The following GRIN2A variants were observed in gnomAD, a reference collection of about 807,000 sequenced individuals.
The protein encoded by GRIN2A is glutamate receptor ionotropic, NMDA 2A.
Under a neutral mutation model 113.4 loss-of-function variants are expected in GRIN2A, and 22 were observed. The ratio of observed to expected loss-of-function variants is 0.19; its 90% CI spans 0.14 to 0.28. The LOEUF (loss-of-function observed/expected upper bound fraction) is 0.28. GRIN2A is among the 10% of genes least tolerant of loss of function. The pLI is 1.00. For synonymous variants in GRIN2A, 827 were observed against 738.4 expected (o/e 1.12, Z -1.94); for missense variants, 1,502 against 1,887.0 (o/e 0.80, Z 3.78).
At chr16:10,111,574 C>T in intron 2 of GRIN2A, 1 of 887,398 alleles carries the variant, frequency 1.1e-6, no homozygotes, top group Non-Finnish European at 1.9e-6. Flanking sequence ...GAAGACACCA[C>T]TGATCTCTTC....
chr16:10,062,499 C>T (rs2047566303), intron 2 of GRIN2A, among the ~76,000 whole-genome samples: 1 of 152,172 alleles, frequency 6.6e-6, no homozygotes, highest in Admixed American at 6.5e-5. Flanking sequence ...CCAGAAATAA[C>T]ATTCGGAAAT....
intron 3 of GRIN2A, among the ~76,000 whole-genome samples, chr16:9,896,692 A>G (rs937343761): frequency 5.9e-5 from 9 of 152,094 alleles, no homozygotes; most frequent in South Asian, 2.1e-4. Flanking sequence ...GGAAAAAAAA[A>G]CCTCTAACAG....
At chr16:10,044,771 A>C (rs1048940593) in intron 2 of GRIN2A, among the ~76,000 whole-genome samples, 3 of 151,880 alleles carry the variant, frequency 2.0e-5, no homozygotes, top group African/African-American at 4.8e-5. Flanking sequence ...CATTCCAATC[A>C]TGTGTTCGAA....
chr16:10,137,374 C>G (rs757252906), intron 2 of GRIN2A, among the ~76,000 whole-genome samples: 2 of 152,144 alleles, frequency 1.3e-5, no homozygotes, highest in Non-Finnish European at 2.9e-5. Context: ...ACATTCTTGC[C>G]CCCTACACAT....
At chr16:9,857,856 CTTTAG>C (rs1440359573) in intron 4 of GRIN2A, among the ~76,000 whole-genome samples, 1 of 152,200 alleles carries the variant, frequency 6.6e-6, no homozygotes, top group Non-Finnish European at 1.5e-5. Flanking sequence ...TCGATACTAA[CTTTAG>C]TTTAATTTAG....
rs773366584 is a variant in GRIN2A at position 9,764,493 on chromosome 16, G to A, written c.3051C>T (p.Ser1017=). The A allele has an allele frequency of 1.5e-5, 25 of 1,614,008 alleles. No homozygotes were observed. The highest frequency in any genetic ancestry group is 2.2e-5 in the South Asian group (2 of 91,082). Residue 1017 remains serine, a synonymous_variant, in exon 13 of 13, where the codon TCC becomes TCT. Transcript: ENST00000330684. ...GTGAATCCTGGCGTATGGAATCCACGGATTTCTTCCACAGCTGCCGGGGTC... is the reference window on the plus strand; with the variant it reads ...GTGAATCCTGGCGTATGGAATCCACAGATTTCTTCCACAGCTGCCGGGGTC... ...NSRPRQLWKK[S]VDSIRQDSLS...
At chr16:10,037,660 C>G (rs1048013118) in intron 2 of GRIN2A, among the ~76,000 whole-genome samples, 1 of 152,142 alleles carries the variant, frequency 6.6e-6, no homozygotes, top group Non-Finnish European at 1.5e-5. Flanking sequence ...GGGTCTTGCA[C>G]TGTCACCCAG....
At chr16:10,099,915 C>T (rs781608354) in intron 2 of GRIN2A, among the ~76,000 whole-genome samples, 29 of 151,930 alleles carry the variant, frequency 1.9e-4, no homozygotes, top group African/African-American at 6.0e-4. Flanking sequence ...TCCATTCTTA[C>T]GGAGCTTCAT....
In GRIN2A at chr16:9,757,465, T is replaced by G. The variant is rs1236147452; in HGVS notation, c.*5684A>C. On this transcript the variant is annotated 3_prime_UTR_variant, in exon 13 of 13. Transcript: ENST00000330684. The stretch of plus-strand genomic sequence containing the variant: ...TAATTTTTGCTGTTTAGTCTCTGTT[T>G]GCATTGCATGGGTCCTTGGTTATCC... 3 of 229,952 alleles carry G rather than the reference T, an allele frequency of 1.3e-5. No homozygotes were observed. Among genetic ancestry groups the G allele is most frequent in the Non-Finnish European group, 2.6e-5 (3 of 116,046 alleles). The allele number at this position is 229,952 out of a possible 1,614,324, so 14.2% of individuals were successfully genotyped here.
chr16:9,983,820 G>A (rs2045934493), intron 2 of GRIN2A, among the ~76,000 whole-genome samples: 1 of 152,172 alleles, frequency 6.6e-6, no homozygotes, highest in Admixed American at 6.5e-5. Context: ...TTCAGTGGTT[G>A]ATTCAATGTC....
chr16:9,862,427 C>T (rs541925701), intron 4 of GRIN2A, among the ~76,000 whole-genome samples: 63 of 152,242 alleles, frequency 4.1e-4, no homozygotes, highest in Non-Finnish European at 7.1e-4. Flanking sequence ...TTCATAGAAA[C>T]GTGTTTTGAT....
At chr16:10,119,156 C>T (rs1448243) in intron 2 of GRIN2A, among the ~76,000 whole-genome samples, 142,510 of 152,206 alleles carry the variant, frequency 0.94, 67,459 homozygotes, top group East Asian at 1. Flanking sequence ...CATCTACCAT[C>T]ATCCTTTGAA....
In GRIN2A at chr16:9,763,798, T is replaced by A. The variant is rs1286071613; in HGVS notation, c.3746A>T (p.Asp1249Val). The change falls in exon 13 of 13, where the codon GAT becomes GTT. Residue 1249 changes from aspartate to valine, a missense_variant. Coordinates refer to ENST00000330684, the MANE Select transcript of GRIN2A (RefSeq NM_001134407.3). Reference protein sequence around the residue: ...CLRMGNLYDIDEDQMLQETGN... With the variant: ...CLRMGNLYDIVEDQMLQETGN... The stretch of plus-strand genomic sequence containing the variant: ...TGTCTCCTGAAGCATCTGGTCTTCA[T>A]CGATGTCATAGAGGTTCCCCATCCG... 1.2e-6 allele frequency: 2 copies of A among 1,613,996 alleles called. No individual in the cohort carries two copies. Among genetic ancestry groups the A allele is most frequent in the African/African-American group, 2.7e-5 (2 of 74,894 alleles).
At position 9,755,769 on chromosome 16, in the gene GRIN2A, G is replaced by A. The variant is rs1394966532; in HGVS notation, c.*7380C>T. The A allele has an allele frequency of 1.9e-5, 4 of 207,550 alleles. No individual in the cohort carries two copies. The highest frequency in any genetic ancestry group is 3.9e-5 in the Non-Finnish European group (4 of 101,676). The allele number at this position is 207,550 out of a possible 1,614,324, so 12.9% of individuals were successfully genotyped here. A position where few individuals can be genotyped will look rare whatever the true frequency, so the allele number is the denominator to read the frequency against. On this transcript the variant is annotated 3_prime_UTR_variant, in exon 13 of 13. Coordinates refer to ENST00000330684, the MANE Select transcript of GRIN2A (RefSeq NM_001134407.3). ...TATAAAGCCCGGTGGAAGCGTTCCA[G>A]TTCAACACTCTTCAGTGGGACAGAA...
intron 12 of GRIN2A, among the ~76,000 whole-genome samples, chr16:9,767,971 G>A (rs1386650283): frequency 6.6e-6 from 1 of 152,212 alleles, no homozygotes; most frequent in Non-Finnish European, 1.5e-5. Flanking sequence ...CATTAGTAGT[G>A]TTATACAGCA....
intron 2 of GRIN2A, among the ~76,000 whole-genome samples, chr16:9,986,392 T>C (rs1596390042): frequency 6.6e-6 from 1 of 152,184 alleles, no homozygotes; most frequent in East Asian, 1.9e-4. Flanking sequence ...TGTGGTGAAA[T>C]TACAAGTGAT....
chr16:9,985,494 A>G (rs2141793668), intron 2 of GRIN2A, among the ~76,000 whole-genome samples: 1 of 152,324 alleles, frequency 6.6e-6, no homozygotes, highest in East Asian at 1.9e-4. Context: ...TACACAATGG[A>G]GTACTGTACA....
intron 4 of GRIN2A, among the ~76,000 whole-genome samples, chr16:9,878,471 T>A (rs1167336923): frequency 6.6e-6 from 1 of 152,152 alleles, no homozygotes; most frequent in Non-Finnish European, 1.5e-5. Flanking sequence ...CTTTTAGATA[T>A]GAGAAAATGC....
intron 2 of GRIN2A, among the ~76,000 whole-genome samples, chr16:9,985,155 T>C (rs967344851): frequency 3.3e-5 from 5 of 152,186 alleles, no homozygotes; most frequent in African/African-American, 1.2e-4. Flanking sequence ...CTCAGTTACG[T>C]TGGGCCCAAA....
Sources: allele counts gnomAD v4.1 joint callset (sites outside exome capture counted in the v4.1 genomes callset), GRCh38; gene constraint gnomAD v4.1.1; transcripts MANE v1.5; gene names NCBI Gene and HGNC (gene_info 2026-07-23, HGNC 2026-07-21).